Variants in ARHGAP6 observed in about 807,000 individuals in gnomAD.
ARHGAP6 encodes the protein Rho GTPase activating protein 6, also known as rho GTPase-activating protein 6.
Under a neutral mutation model 55.7 loss-of-function variants are expected in ARHGAP6, and 16 were observed. That is an observed-to-expected ratio of 0.29 (90% CI 0.19 to 0.44). The LOEUF (loss-of-function observed/expected upper bound fraction) is 0.44. ARHGAP6 is among the 20% of genes least tolerant of loss of function. The pLI is 1.00. For synonymous variants in ARHGAP6, 382 were observed against 360.9 expected (o/e 1.06, Z -0.66); for missense variants, 698 against 808.9 (o/e 0.86, Z 1.66).
chrX:11,509,229 T>G (rs758062365), intron 1 of ARHGAP6, among the ~76,000 whole-genome samples: 6 of 111,970 alleles, frequency 5.4e-5, no homozygotes, highest in East Asian at 2.8e-4. Context: ...CATCATATAT[T>G]TAAGAGCATC....
intron 1 of ARHGAP6, among the ~76,000 whole-genome samples, chrX:11,358,818 G>A (rs1379924245): frequency 9.0e-6 from 1 of 111,642 alleles, no homozygotes; most frequent in Admixed American, 9.5e-5. Flanking sequence ...AGGTAGCTAT[G>A]AGTGGTCTCA....
At chrX:11,527,317 G>A (rs1033794837) in intron 1 of ARHGAP6, among the ~76,000 whole-genome samples, 2 of 111,639 alleles carry the variant, frequency 1.8e-5, no homozygotes, top group African/African-American at 6.5e-5. Flanking sequence ...TTTCAAATAC[G>A]AATTAACCAA....
chrX:11,447,924 A>C (rs2050108124), intron 1 of ARHGAP6, among the ~76,000 whole-genome samples: 5 of 112,347 alleles, frequency 4.5e-5, no homozygotes, highest in Admixed American at 9.4e-5. Context: ...TTAAAATAAC[A>C]GATATAATAA....
intron 1 of ARHGAP6, among the ~76,000 whole-genome samples, chrX:11,349,066 T>A (rs1266303327): frequency 2.8e-5 from 3 of 107,693 alleles, no homozygotes; most frequent in African/African-American, 1.0e-4. Context: ...TTTGGTATAA[T>A]AGTGATAACA....
intron 1 of ARHGAP6, among the ~76,000 whole-genome samples, chrX:11,358,721 A>T (rs1397398649): frequency 9.0e-6 from 1 of 110,794 alleles, no homozygotes; most frequent in Non-Finnish European, 1.9e-5. Context: ...ACTTCAGGTG[A>T]TCCGTCCACC....
chrX:11,401,553 T>C (rs925704516), intron 1 of ARHGAP6, among the ~76,000 whole-genome samples: 4 of 109,233 alleles, frequency 3.7e-5, no homozygotes, highest in African/African-American at 1.3e-4. Context: ...GGCAAGCAAA[T>C]ACACAAAAAT....
At chrX:11,285,334 T>C (rs1373701312) in intron 1 of ARHGAP6, among the ~76,000 whole-genome samples, 1 of 111,348 alleles carries the variant, frequency 9.0e-6, no homozygotes, top group Non-Finnish European at 1.9e-5. Context: ...TTTAAAAACA[T>C]CTTTGGAACA....
chrX:11,144,413 G>C lies in ARHGAP6; in HGVS notation c.1908-165C>G, dbSNP rs72558046. Reference sequence around the variant, plus strand: ...TCCAAGACATGTACATCCATGACGTGAAAGGGTTTCAACGATATGACCAGC... The same window carrying C: ...TCCAAGACATGTACATCCATGACGTCAAAGGGTTTCAACGATATGACCAGC... On this transcript the variant is annotated intron_variant, in intron 10 of 12. Transcript: ENST00000337414. 8.0e-3 allele frequency among the ~76,000 whole-genome samples: 893 copies of C among 112,295 alleles called. 9 individuals are homozygous for C. Among genetic ancestry groups the C allele is most frequent in the African/African-American group, 0.028 (861 of 30,873 alleles).
intron 2 of ARHGAP6, among the ~76,000 whole-genome samples, chrX:11,235,785 T>A (rs1000196152): frequency 3.6e-5 from 4 of 111,272 alleles, no homozygotes; most frequent in Non-Finnish European, 7.5e-5. Flanking sequence ...AAATTCCTCA[T>A]CTCCATCTAA....
At chrX:11,589,565 G>A (rs941187621) in intron 1 of ARHGAP6, among the ~76,000 whole-genome samples, 2 of 109,042 alleles carry the variant, frequency 1.8e-5, no homozygotes, top group South Asian at 8.1e-4. Flanking sequence ...GAAGGATTTC[G>A]GCAAGCTCTT....
chrX:11,439,660 G>T lies in ARHGAP6; in HGVS notation c.589-184953C>A, dbSNP rs749467987. Among the ~76,000 whole-genome samples, 4 of 111,985 alleles carry T rather than the reference G, an allele frequency of 3.6e-5. No homozygotes were observed. The East Asian group carries it at 1.1e-3, about 31-fold the overall frequency. On this transcript the variant is annotated intron_variant, in intron 1 of 12. Transcript: ENST00000337414. ...TAGTGATTATTTTGTTTCATTTATA[G>T]TCTGGAAACAGGCAACTTACCAAAG...
intron 12 of ARHGAP6, among the ~76,000 whole-genome samples, chrX:11,141,264 TA>T (rs1332750396): frequency 9.0e-6 from 1 of 111,623 alleles, no homozygotes; most frequent in East Asian, 2.8e-4. Flanking sequence ...GAAATGACAT[TA>T]AAAAGAAACG....
intron 1 of ARHGAP6, among the ~76,000 whole-genome samples, chrX:11,373,522 G>A (rs1011348410): frequency 1.5e-4 from 17 of 111,635 alleles, no homozygotes; most frequent in African/African-American, 5.5e-4. Context: ...AAAACAGAAG[G>A]TCTGCATTTC....
intron 1 of ARHGAP6, among the ~76,000 whole-genome samples, chrX:11,505,165 C>T (rs984999607): frequency 5.4e-5 from 6 of 110,512 alleles, no homozygotes; most frequent in African/African-American, 1.6e-4. Context: ...TATGAGCTCC[C>T]GTTTGGCTCT....
chrX:11,587,525 G>C (rs2051749429), intron 1 of ARHGAP6, among the ~76,000 whole-genome samples: 1 of 111,864 alleles, frequency 8.9e-6, no homozygotes, highest in Middle Eastern at 4.6e-3. Flanking sequence ...CAGCAAGGAA[G>C]ACTAGCGAGA....
intron 1 of ARHGAP6, among the ~76,000 whole-genome samples, chrX:11,573,892 G>A (rs1478333842): frequency 9.0e-6 from 1 of 111,236 alleles, no homozygotes; most frequent in Non-Finnish European, 1.9e-5. Flanking sequence ...TCCTTGAAGA[G>A]GTCCTTCACG....
chrX:11,332,956 C>T (rs946928184), intron 1 of ARHGAP6, among the ~76,000 whole-genome samples: 1 of 111,554 alleles, frequency 9.0e-6, no homozygotes, highest in African/African-American at 3.3e-5. Flanking sequence ...AACTCATCAT[C>T]TTCTTAAATC....
At chrX:11,436,195 G>A (rs1025216053) in intron 1 of ARHGAP6, among the ~76,000 whole-genome samples, 1 of 112,386 alleles carries the variant, frequency 8.9e-6, no homozygotes, top group East Asian at 2.8e-4. Flanking sequence ...TTAGCCACTT[G>A]TTCCCTGTTG....
chrX:11,598,781 G>A (rs990200632), intron 1 of ARHGAP6, among the ~76,000 whole-genome samples: 1 of 111,861 alleles, frequency 8.9e-6, no homozygotes, highest in Non-Finnish European at 1.9e-5. Flanking sequence ...CCATGGCCAG[G>A]CATGGTGGCT....
Sources: gnomAD v4.1 joint callset for allele counts (sites outside exome capture counted in the v4.1 genomes callset) on GRCh38, gnomAD v4.1.1 for gene constraint, MANE v1.5 for transcripts, NCBI Gene and HGNC (gene_info 2026-07-23, HGNC 2026-07-21) for gene names.